Variants in NTM observed in about 807,000 individuals in gnomAD.
The protein encoded by NTM is IgLON family member 2.
A neutral mutation model predicts 42.1 loss-of-function variants in NTM; 13 were observed. The observed-to-expected ratio is 0.31, with a 90% confidence interval of 0.20 to 0.49. The LOEUF (loss-of-function observed/expected upper bound fraction) is 0.49, where lower values mean the gene tolerates loss of function less well. Among genes scored for constraint, NTM ranks in the 20% least tolerant of loss-of-function variants. NTM has a pLI of 0.99. For missense variants in NTM, 373 were observed against 452.8 expected (o/e 0.82, Z 1.60); for synonymous variants, 187 against 179.2 (o/e 1.04, Z -0.35).
intron 1 of NTM, among the ~76,000 whole-genome samples, chr11:131,693,074 G>C (rs1410889564): frequency 2.6e-5 from 4 of 152,160 alleles, no homozygotes; most frequent in Non-Finnish European, 5.9e-5. Context: ...GCCTGCAGAT[G>C]GGTGGGGAGG....
intron 1 of NTM, among the ~76,000 whole-genome samples, chr11:131,644,697 A>G (rs2065554704): frequency 6.6e-6 from 1 of 152,186 alleles, no homozygotes; most frequent in Admixed American, 6.5e-5. Context: ...GAATTTCTCA[A>G]TTTCCTTCCC....
intron 4 of NTM, among the ~76,000 whole-genome samples, chr11:132,273,528 T>A (rs973917267): frequency 2.0e-5 from 3 of 152,128 alleles, no homozygotes; most frequent in African/African-American, 4.8e-5. Flanking sequence ...ACTTTACCAG[T>A]GATCCATCTA....
chr11:132,200,559 T>G (rs527686570), intron 3 of NTM, among the ~76,000 whole-genome samples: 1 of 152,368 alleles, frequency 6.6e-6, no homozygotes, highest in South Asian at 2.1e-4. Context: ...CATACAGTTT[T>G]ATAGCTTGTG....
chr11:131,433,542 C>G (rs1045060119), intron 1 of NTM, among the ~76,000 whole-genome samples: 8 of 152,064 alleles, frequency 5.3e-5, no homozygotes, highest in Non-Finnish European at 7.4e-5. Flanking sequence ...TCAGTTACTT[C>G]CTGAGGAAAG....
intron 1 of NTM, among the ~76,000 whole-genome samples, chr11:131,405,283 C>T (rs11604238): frequency 6.6e-6 from 1 of 152,156 alleles, no homozygotes; most frequent in Non-Finnish European, 1.5e-5. Flanking sequence ...ATGCCCAGAC[C>T]TTCCCCATGA....
intron 1 of NTM, among the ~76,000 whole-genome samples, chr11:131,435,354 G>C (rs2135939871): frequency 6.6e-6 from 1 of 152,298 alleles, no homozygotes; most frequent in South Asian, 2.1e-4. Context: ...GATGGGGATG[G>C]AATTGAATCT....
intron 1 of NTM, among the ~76,000 whole-genome samples, chr11:131,558,977 T>C (rs751824070): frequency 3.9e-5 from 6 of 152,198 alleles, no homozygotes; most frequent in Admixed American, 6.5e-5. Context: ...ACTTAATAAT[T>C]AGTGAATTTC....
intron 4 of NTM, among the ~76,000 whole-genome samples, chr11:132,291,618 T>C (rs1033191395): frequency 3.3e-5 from 5 of 152,138 alleles, no homozygotes; most frequent in African/African-American, 1.2e-4. Context: ...TGGGAAATCA[T>C]TGTACAGTGA....
At chr11:132,132,179 A>G (rs534724234) in intron 2 of NTM, among the ~76,000 whole-genome samples, 6 of 152,004 alleles carry the variant, frequency 3.9e-5, no homozygotes, top group East Asian at 1.9e-4. Flanking sequence ...TGCTCCCCCA[A>G]TCCCCGTCAG....
At chr11:131,750,201 T>C (rs1284056315) in intron 1 of NTM, among the ~76,000 whole-genome samples, 1 of 152,228 alleles carries the variant, frequency 6.6e-6, no homozygotes, top group East Asian at 1.9e-4. Context: ...GAGAGAGAAC[T>C]CTTTTTATTT....
chr11:131,900,959 T>C (rs1484464035), intron 1 of NTM, among the ~76,000 whole-genome samples: 1 of 152,230 alleles, frequency 6.6e-6, no homozygotes, highest in Non-Finnish European at 1.5e-5. Context: ...GAAAGCAATC[T>C]ATAGTATCAT....
chr11:132,218,209 G>A (rs2122237), intron 4 of NTM, among the ~76,000 whole-genome samples: 55,574 of 151,952 alleles, frequency 0.37, 10,683 homozygotes, highest in Middle Eastern at 0.54. Flanking sequence ...GGAGAAGAGG[G>A]CAAAATGGAA....
chr11:132,304,627 T>A, intron 4 of NTM, among the ~76,000 whole-genome samples: 1 of 152,226 alleles, frequency 6.6e-6, no homozygotes, highest in East Asian at 1.9e-4. Context: ...TATTTTGTTA[T>A]GTGTAAACTG....
At chr11:132,027,894 G>C (rs1161566020) in intron 2 of NTM, among the ~76,000 whole-genome samples, 1 of 151,902 alleles carries the variant, frequency 6.6e-6, no homozygotes, top group Non-Finnish European at 1.5e-5. Flanking sequence ...TTTTGTAGTT[G>C]GATATTCTGT....
At chr11:131,880,110 G>A (rs1402712080) in intron 1 of NTM, among the ~76,000 whole-genome samples, 2 of 152,176 alleles carry the variant, frequency 1.3e-5, no homozygotes, top group Non-Finnish European at 2.9e-5. Flanking sequence ...AAACACACAT[G>A]TGCACACAGC....
chr11:131,916,505 T>C (rs1375364059), intron 2 of NTM, among the ~76,000 whole-genome samples: 2 of 152,160 alleles, frequency 1.3e-5, no homozygotes, highest in South Asian at 4.1e-4. Context: ...GAGAAATGTA[T>C]GTAATTTTGG....
At chr11:131,823,948 A>G (rs993668154) in intron 1 of NTM, among the ~76,000 whole-genome samples, 2 of 152,202 alleles carry the variant, frequency 1.3e-5, no homozygotes, top group Non-Finnish European at 2.9e-5. Flanking sequence ...TCTTTATGCA[A>G]TTCAAGGCTG....
At chr11:132,105,297 G>A (rs923046663) in intron 2 of NTM, among the ~76,000 whole-genome samples, 3 of 151,876 alleles carry the variant, frequency 2.0e-5, no homozygotes, top group Non-Finnish European at 4.4e-5. Flanking sequence ...TTGGAACATA[G>A]AAAATTCCCA....
intron 1 of NTM, among the ~76,000 whole-genome samples, chr11:131,415,009 G>A (rs148483913): frequency 2.9e-4 from 44 of 152,264 alleles, no homozygotes; most frequent in African/African-American, 1.0e-3. Flanking sequence ...TTGTGATGAC[G>A]CTGGTGTGCA....
Sources: gnomAD v4.1 joint callset for allele counts (sites outside exome capture counted in the v4.1 genomes callset) on GRCh38, gnomAD v4.1.1 for gene constraint, MANE v1.5 for transcripts, NCBI Gene and HGNC (gene_info 2026-07-23, HGNC 2026-07-21) for gene names.